CD8B: variants seen among roughly 807,000 people sequenced by gnomAD.
The protein encoded by CD8B is T-cell surface glycoprotein CD8 beta chain.
CD8B carries 6 observed loss-of-function variants against 24.2 expected under a neutral mutation model. That is an observed-to-expected ratio of 0.25 (90% CI 0.14 to 0.49). The LOEUF (loss-of-function observed/expected upper bound fraction) is 0.49, where lower values mean the gene tolerates loss of function less well. Among genes scored for constraint, CD8B ranks in the 20% least tolerant of loss-of-function variants. The probability of loss-of-function intolerance (pLI) is 0.98; values close to 1 mark genes in which losing one functional copy is unlikely to be tolerated. For synonymous variants in CD8B, 84 were observed against 108.3 expected (o/e 0.78, Z 1.39); for missense variants, 196 against 271.3 (o/e 0.72, Z 1.95).
chr2:86,854,743 C>T (rs1676147582), intron 2 of CD8B, among the ~76,000 whole-genome samples: 1 of 151,818 alleles, frequency 6.6e-6, no homozygotes. Context: ...CTGATTTTCT[C>T]CAAAATGGTA....
Position 86,840,821 on chromosome 2 carries a change from C to T in CD8B, c.*1486G>A, listed in dbSNP as rs1675387600. Among the ~76,000 whole-genome samples, 1 of 152,204 alleles carries T rather than the reference C, an allele frequency of 6.6e-6. No homozygotes were observed. The highest frequency in any genetic ancestry group is 1.9e-4 in the East Asian group (1 of 5,188). On this transcript the variant is annotated 3_prime_UTR_variant, in exon 6 of 6. Transcript: ENST00000390655. Reference sequence around the variant, plus strand: ...TGCCTTTCTAACTCCACCCACCACACCTCATTCTGCTGCGGCCGCACCCCA... The same window carrying T: ...TGCCTTTCTAACTCCACCCACCACATCTCATTCTGCTGCGGCCGCACCCCA...
chr2:86,856,697 C>T (rs1676281978), intron 2 of CD8B, among the ~76,000 whole-genome samples: 1 of 151,788 alleles, frequency 6.6e-6, no homozygotes, highest in South Asian at 2.1e-4. Flanking sequence ...GGGCTAGAGC[C>T]AGAGCCAGGC....
intron 5 of CD8B, among the ~76,000 whole-genome samples, chr2:86,823,933 G>A (rs926105054): frequency 5.3e-5 from 8 of 152,066 alleles, no homozygotes; most frequent in Admixed American, 5.2e-4. Context: ...AGCCCTGGGG[G>A]GTCCAGGCAG....
chr2:86,829,841 A>G (rs1674837838), intron 5 of CD8B, among the ~76,000 whole-genome samples: 1 of 149,148 alleles, frequency 6.7e-6, no homozygotes, highest in Non-Finnish European at 1.5e-5. Context: ...CCCCCATGAC[A>G]TTTAACACAT....
intron 5 of CD8B, among the ~76,000 whole-genome samples, chr2:86,825,598 C>A (rs1205531263): frequency 1.3e-5 from 2 of 152,220 alleles, no homozygotes; most frequent in African/African-American, 4.8e-5. Context: ...TGGGAAAAGA[C>A]TGAGCCAGGT....
rs11694499 is a variant in CD8B, at chr2:86,825,320, T to C, written c.621-9602A>G. The stretch of plus-strand genomic sequence containing the variant: ...CTGACTCCCCCCTACTGGGGGGCTA[T>C]GGGGGCTGTGGGAGTGGAGGGTGAG... On this transcript the variant is annotated intron_variant, in intron 5 of 5. Transcript: ENST00000331469. 8.7e-3 allele frequency among the ~76,000 whole-genome samples: 1,325 copies of C among 152,260 alleles called. 7 individuals are homozygous for C. The highest frequency in any genetic ancestry group is 0.017 in the South Asian group (83 of 4,834).
intron 5 of CD8B, 57 bp from the exon 6 acceptor site, chr2:86,842,376 T>C: frequency 6.3e-7 from 1 of 1,583,754 alleles, no homozygotes. Flanking sequence ...ATATTGAATT[T>C]CCTGTAACAG....
At chr2:86,821,970 A>G (rs993817336) in intron 5 of CD8B, among the ~76,000 whole-genome samples, 1 of 151,870 alleles carries the variant, frequency 6.6e-6, no homozygotes, top group African/African-American at 2.4e-5. Context: ...CAGGTTCTGT[A>G]TTGTATGTCT....
At chr2:86,847,874 A>G (rs1675763333) in intron 3 of CD8B, among the ~76,000 whole-genome samples, 1 of 152,220 alleles carries the variant, frequency 6.6e-6, no homozygotes, top group Admixed American at 6.5e-5. Flanking sequence ...CCTTAAATAC[A>G]TATAGTTTTA....
At chr2:86,824,208 G>C (rs1044458709) in intron 5 of CD8B, among the ~76,000 whole-genome samples, 4 of 152,036 alleles carry the variant, frequency 2.6e-5, no homozygotes, top group African/African-American at 9.7e-5. Flanking sequence ...CACAACCTCT[G>C]CCACACTTTT....
chr2:86,849,006 C>T (rs1675837609), intron 3 of CD8B, among the ~76,000 whole-genome samples: 1 of 151,386 alleles, frequency 6.6e-6, no homozygotes. Context: ...TGTGAGCCAC[C>T]GTGCCTGGCT....
chr2:86,847,095 C>G (rs1473098484), intron 3 of CD8B, among the ~76,000 whole-genome samples: 1 of 151,606 alleles, frequency 6.6e-6, no homozygotes, highest in African/African-American at 2.4e-5. Context: ...TGCCACCATG[C>G]CTGGCTAATT....
At chr2:86,828,136 T>TA (rs2104509608) in intron 5 of CD8B, among the ~76,000 whole-genome samples, 1 of 152,292 alleles carries the variant, frequency 6.6e-6, no homozygotes, top group Non-Finnish European at 1.5e-5. Flanking sequence ...ATAATGCAGG[T>TA]AAATGGAACA....
intron 1 of CD8B, among the ~76,000 whole-genome samples, chr2:86,861,381 G>T (rs2104593477): frequency 6.6e-6 from 1 of 152,132 alleles, no homozygotes; most frequent in African/African-American, 2.4e-5. Context: ...CCCGATGTTT[G>T]TCTGATTGTA....
chr2:86,858,850 A>T lies in CD8B; in HGVS notation c.44-434T>A, dbSNP rs565823977. The stretch of plus-strand genomic sequence containing the variant: ...AGCCTTGACCTCCTGGGCTCAATCT[A>T]TCTTCCCACCTCAGCCTCCCAAGTA... On this transcript the variant is annotated intron_variant, in intron 1 of 5. Transcript: ENST00000390655. 4.0e-5 allele frequency among the ~76,000 whole-genome samples: 6 copies of T among 151,780 alleles called. No homozygotes were observed. In the East Asian group the frequency reaches 1.2e-3, roughly 29 times the overall value.
chr2:86,835,805 C>T (rs1675153415), downstream of CD8B, among the ~76,000 whole-genome samples: 1 of 148,150 alleles, frequency 6.7e-6, no homozygotes, highest in Admixed American at 6.8e-5. Context: ...TCCATGCCCT[C>T]TGCTTGTGTT....
At chr2:86,817,614 T>A (rs1404571861) in intron 5 of CD8B, among the ~76,000 whole-genome samples, 1 of 152,078 alleles carries the variant, frequency 6.6e-6, no homozygotes, top group East Asian at 1.9e-4. Flanking sequence ...GATACTTACA[T>A]AATAAGAGAA....
At chr2:86,822,442 C>A in intron 5 of CD8B, 6 of 973,520 alleles carry the variant, frequency 6.2e-6, no homozygotes, top group South Asian at 1.4e-5. Context: ...AGAAATAAAG[C>A]AATATTTAAG....
At chr2:86,835,630 C>T (rs2104527285), downstream of CD8B, among the ~76,000 whole-genome samples, 1 of 151,646 alleles carries the variant, frequency 6.6e-6, no homozygotes, top group East Asian at 2.0e-4. Flanking sequence ...TGAAGGGGTG[C>T]TGGGGAGGGG....
Sources: gnomAD v4.1 joint callset for allele counts (sites outside exome capture counted in the v4.1 genomes callset) on GRCh38, gnomAD v4.1.1 for gene constraint, MANE v1.5 for transcripts, NCBI Gene and HGNC (gene_info 2026-07-23, HGNC 2026-07-21) for gene names.